DENND4C: variants seen among roughly 807,000 people sequenced by gnomAD.
DENND4C encodes the protein DENN domain containing 4C, also known as DENN domain-containing protein 4C.
Under a neutral mutation model 203.0 loss-of-function variants are expected in DENND4C, and 108 were observed. The ratio of observed to expected loss-of-function variants is 0.53; its 90% CI spans 0.46 to 0.62. DENND4C has a LOEUF of 0.62. DENND4C is among the 20% of genes least tolerant of loss of function. The pLI is 0.00. For synonymous variants in DENND4C, 871 were observed against 792.4 expected, an observed-to-expected ratio of 1.10 and a Z score of -1.67; for missense variants, 2,481 against 2,301.2, an observed-to-expected ratio of 1.08 and a Z score of -1.60.
chr9:19,290,035 C>G (rs1835967316), intron 4 of DENND4C, among the ~76,000 whole-genome samples: 1 of 152,042 alleles, frequency 6.6e-6, no homozygotes, highest in Admixed American at 6.5e-5. Flanking sequence ...AATTTGGGCT[C>G]AAAATTCTAC....
At chr9:19,287,413 T>G (rs1420840555) in intron 3 of DENND4C, among the ~76,000 whole-genome samples, 1 of 152,178 alleles carries the variant, frequency 6.6e-6, no homozygotes, top group Non-Finnish European at 1.5e-5. Flanking sequence ...GGTCTTGCTT[T>G]GTCGCCCAGG....
intron 1 of DENND4C, among the ~76,000 whole-genome samples, chr9:19,254,312 A>G (rs779861113): frequency 6.6e-6 from 1 of 152,218 alleles, no homozygotes; most frequent in Non-Finnish European, 1.5e-5. Flanking sequence ...ATTATTCACA[A>G]TAGCTGAGAT....
At chr9:19,236,428 T>C (rs974601496) in intron 1 of DENND4C, among the ~76,000 whole-genome samples, 1 of 152,230 alleles carries the variant, frequency 6.6e-6, no homozygotes, top group Non-Finnish European at 1.5e-5. Flanking sequence ...TGAAGTTTAT[T>C]AATATGCAAG....
Position 19,305,225 on chromosome 9 carries a change from T to G in DENND4C, c.1312-127T>G, listed in dbSNP as rs568766686. ...ATTTTATAGTCATTTAGTTTTGGAA[T>G]GAAGTTTAAGGTAAACAAAACAGAC... On this transcript the variant is annotated intron_variant, in intron 9 of 32. Coordinates refer to ENST00000434457, the MANE Select transcript of DENND4C (RefSeq NM_001330640.2). 1.9e-5 allele frequency: 14 copies of G among 719,380 alleles called. No homozygotes were observed. The East Asian group carries it at 3.8e-4, about 19-fold the overall frequency. 44.6% of individuals were successfully genotyped at this position (719,380 alleles called of 1,614,324 possible). A position where few individuals can be genotyped will look rare whatever the true frequency, so the allele number is the denominator to read the frequency against.
At chr9:19,337,715 G>T in intron 20 of DENND4C, 1 of 1,190,338 alleles carries the variant, frequency 8.4e-7, no homozygotes. Flanking sequence ...GACCTGCAAG[G>T]GTGGGGGAAA....
At chr9:19,318,365 A>C (rs1842195250) in intron 12 of DENND4C, among the ~76,000 whole-genome samples, 1 of 152,178 alleles carries the variant, frequency 6.6e-6, no homozygotes, top group Non-Finnish European at 1.5e-5. Flanking sequence ...AAGTTTTCTC[A>C]TTAATAAAAT....
intron 1 of DENND4C, among the ~76,000 whole-genome samples, chr9:19,268,137 T>C (rs1431761011): frequency 6.6e-6 from 1 of 151,814 alleles, no homozygotes; most frequent in Non-Finnish European, 1.5e-5. Flanking sequence ...TCTTATTCTG[T>C]CGCCCATGCT....
At chr9:19,264,935 T>A (rs1026559314) in intron 1 of DENND4C, among the ~76,000 whole-genome samples, 2 of 152,156 alleles carry the variant, frequency 1.3e-5, no homozygotes, top group African/African-American at 4.8e-5. Flanking sequence ...CTATAAACTT[T>A]CTTCATAGTA....
chr9:19,324,337 T>C (rs1303593088), intron 12 of DENND4C, 25 bp from the exon 13 acceptor site: 4 of 1,555,296 alleles, frequency 2.6e-6, no homozygotes, highest in Non-Finnish European at 8.7e-7. Context: ...AAAATTTGAA[T>C]TTAATTATAT....
intron 10 of DENND4C, among the ~76,000 whole-genome samples, chr9:19,312,087 C>A (rs1180457324): frequency 6.6e-6 from 1 of 152,004 alleles, no homozygotes; most frequent in African/African-American, 2.4e-5. Flanking sequence ...GGAAAAAAAT[C>A]ACAAAAGATA....
chr9:19,336,733 G>C lies in DENND4C; in HGVS notation c.2782G>C (p.Gly928Arg). 6.4e-7 allele frequency: 1 copy of C among 1,551,038 alleles called. No homozygotes were observed. The highest frequency in any genetic ancestry group is 8.7e-7 in the Non-Finnish European group (1 of 1,147,066). Reference sequence around the variant, plus strand: ...AAGTGATGGGGACACGGTGAGCCACGGTAGTGTGGATAGTTCTAATGATGC... The same window carrying C: ...AAGTGATGGGGACACGGTGAGCCACCGTAGTGTGGATAGTTCTAATGATGC... ...GGSDGDTVSH[G>R]SVDSSNDANN... Residue 928 changes from glycine (G) to arginine (R), a missense_variant, in exon 20 of 33, where the codon GGT becomes CGT. Gly to Arg is a moderately radical substitution (Grantham distance 125, BLOSUM62 -2). Coordinates refer to ENST00000434457, the MANE Select transcript of DENND4C (RefSeq NM_001330640.2).
At chr9:19,314,207 C>T (rs546936645) in intron 10 of DENND4C, among the ~76,000 whole-genome samples, 2 of 152,160 alleles carry the variant, frequency 1.3e-5, no homozygotes, top group Non-Finnish European at 2.9e-5. Context: ...GTAGCCCCAG[C>T]ACCTTGGGAG....
chr9:19,362,101 CTG>C (rs941157740), intron 30 of DENND4C, 138 bp downstream of exon 30: 56 of 528,148 alleles, frequency 1.1e-4, no homozygotes, highest in Non-Finnish European at 1.9e-4. Flanking sequence ...TGGTGAAATC[CTG>C]TCTCTATTAA....
At chr9:19,275,578 C>T (rs1832734868) in intron 1 of DENND4C, among the ~76,000 whole-genome samples, 1 of 152,130 alleles carries the variant, frequency 6.6e-6, no homozygotes, top group Non-Finnish European at 1.5e-5. Context: ...TCAAGCGATT[C>T]TCCTGCCTCA....
chr9:19,256,337 T>G (rs1827950815), intron 1 of DENND4C, among the ~76,000 whole-genome samples: 1 of 142,452 alleles, frequency 7.0e-6, no homozygotes, highest in Non-Finnish European at 1.5e-5. Flanking sequence ...GAGATGGAGT[T>G]TCGCTCTTGT....
intron 18 of DENND4C, among the ~76,000 whole-genome samples, chr9:19,335,546 T>C (rs1820260208): frequency 6.6e-6 from 1 of 152,144 alleles, no homozygotes. Flanking sequence ...ACCATACTTC[T>C]AGTCTCTGCT....
At chr9:19,235,180 G>T (rs1048238631) in intron 1 of DENND4C, among the ~76,000 whole-genome samples, 1 of 151,984 alleles carries the variant, frequency 6.6e-6, no homozygotes, top group Non-Finnish European at 1.5e-5. Flanking sequence ...GGCCAGGCTG[G>T]TCTTGAACTC....
At chr9:19,305,330 T>C (rs779091934) in intron 9 of DENND4C, 22 bp from the exon 10 acceptor site, 160 of 1,574,444 alleles carry the variant, frequency 1.0e-4, no homozygotes, top group Non-Finnish European at 1.4e-4. Context: ...ATTTGGTTAA[T>C]TTTTTAAAAC....
chr9:19,239,454 C>G (rs1011244034), intron 1 of DENND4C, among the ~76,000 whole-genome samples: 1 of 151,652 alleles, frequency 6.6e-6, no homozygotes, highest in Non-Finnish European at 1.5e-5. Context: ...AGAGAACATG[C>G]TGCATAATTT....
Sources: gnomAD v4.1 joint callset for allele counts (sites outside exome capture counted in the v4.1 genomes callset) on GRCh38, gnomAD v4.1.1 for gene constraint, MANE v1.5 for transcripts, NCBI Gene and HGNC (gene_info 2026-07-23, HGNC 2026-07-21) for gene names.